Variants in FBXL13 observed in about 807,000 individuals in gnomAD.
FBXL13 encodes F-box and leucine rich repeat protein 13, also known as F-box and leucine-rich repeat protein 13.
In FBXL13, 67 loss-of-function variants were observed where a neutral mutation model predicts 83.6. That is an observed-to-expected ratio of 0.80 (90% confidence interval 0.66 to 0.98). The LOEUF is 0.98. Ranked by LOEUF, FBXL13 falls within the 50% of genes least tolerant of loss-of-function variation. The pLI is 0.00. For missense variants in FBXL13, 822 were observed against 866.5 expected (o/e 0.95, Z 0.64); for synonymous variants, 272 against 299.5 (o/e 0.91, Z 0.95).
chr7:102,974,966 C>T (rs1356555396), intron 6 of FBXL13, among the ~76,000 whole-genome samples: 1 of 152,132 alleles, frequency 6.6e-6, no homozygotes, highest in African/African-American at 2.4e-5. Context: ...TCCTCACTGC[C>T]CTCTCCTGAA....
chr7:102,925,150 T>C (rs1015992976), intron 10 of FBXL13, among the ~76,000 whole-genome samples: 6 of 152,176 alleles, frequency 3.9e-5, no homozygotes, highest in Non-Finnish European at 7.3e-5. Flanking sequence ...TGCCAGCACT[T>C]TGGGAGGCCC....
At chr7:102,948,855 T>C (rs1392176552) in intron 8 of FBXL13, among the ~76,000 whole-genome samples, 3 of 152,048 alleles carry the variant, frequency 2.0e-5, no homozygotes, top group African/African-American at 4.8e-5. Flanking sequence ...GGAATCACAG[T>C]TGCACATCAC....
intron 6 of FBXL13, 28 bp from the exon 8 acceptor site, chr7:102,968,145 T>C (rs1430806819): frequency 6.7e-7 from 1 of 1,490,676 alleles, no homozygotes; most frequent in Non-Finnish European, 9.3e-7. Context: ...TACACAACTT[T>C]GAAAAATGTG....
chr7:103,070,934 G>T (rs1208682177), intron 1 of FBXL13, among the ~76,000 whole-genome samples: 1 of 152,130 alleles, frequency 6.6e-6, no homozygotes, highest in Admixed American at 6.5e-5. Context: ...GATTTGGAGA[G>T]AACAAATAAA....
chr7:102,854,891 T>C, intron 16 of FBXL13, 31 bp from the exon 18 acceptor site: 1 of 1,276,894 alleles, frequency 7.8e-7, no homozygotes, highest in Middle Eastern at 2.0e-4. Flanking sequence ...GATCATTTTG[T>C]GATTATCATT....
chr7:102,968,189 C>CTG lies in FBXL13; in HGVS notation c.496-74_496-73dup, dbSNP rs371823711. On this transcript the variant is annotated intron_variant, in intron 6 of 19. Coordinates refer to ENST00000313221, the Ensembl canonical transcript of FBXL13. ...TGTAACTTGTCCACTTACCTTTTGTCTGTGTGTGTGCACACATGTGCGTGC... is the reference window on the plus strand; with the variant it reads ...TGTAACTTGTCCACTTACCTTTTGTCTGTGTGTGTGTGCACACATGTGCGTGC... 6.9e-6 allele frequency: 7 copies of CTG among 1,010,728 alleles called. No individual in the cohort carries two copies. In the East Asian group the frequency reaches 1.7e-4, roughly 25 times the overall value. 62.6% of individuals were successfully genotyped at this position (1,010,728 alleles called of 1,614,324 possible).
chr7:103,071,702 T>A (rs1166840916), intron 1 of FBXL13, among the ~76,000 whole-genome samples: 3 of 152,002 alleles, frequency 2.0e-5, no homozygotes, highest in Non-Finnish European at 2.9e-5. Context: ...GCCTGATTTT[T>A]AAAAAAATCA....
intron 17 of FBXL13, among the ~76,000 whole-genome samples, chr7:102,848,832 C>T (rs1379486029): frequency 6.6e-6 from 1 of 151,992 alleles, no homozygotes. Flanking sequence ...AGTCGCATTT[C>T]TACTAAAAAT....
chr7:102,927,403 A>G (rs931327342), intron 9 of FBXL13, among the ~76,000 whole-genome samples: 3 of 152,226 alleles, frequency 2.0e-5, no homozygotes, highest in African/African-American at 7.2e-5. Flanking sequence ...AGAATTCTGC[A>G]TCAGAAATAT....
chr7:102,879,438 G>GATGT (rs1809703050), intron 14 of FBXL13, among the ~76,000 whole-genome samples: 1 of 93,636 alleles, frequency 1.1e-5, no homozygotes. Flanking sequence ...AGCAGTTAAG[G>GATGT]ATGTGTGTGT....
chr7:102,875,787 A>T (rs1809159629), intron 16 of FBXL13, among the ~76,000 whole-genome samples: 1 of 152,168 alleles, frequency 6.6e-6, no homozygotes, highest in African/African-American at 2.4e-5. Flanking sequence ...TGCTGGAAGG[A>T]CAATGGGAAG....
chr7:103,061,512 C>A (rs1266927962), intron 1 of FBXL13, among the ~76,000 whole-genome samples: 10 of 152,154 alleles, frequency 6.6e-5, no homozygotes, highest in Admixed American at 6.6e-4. Flanking sequence ...AGCCTTCCTG[C>A]CCAAGGTCCA....
At chr7:103,049,740 A>T (rs912359635) in intron 2 of FBXL13, among the ~76,000 whole-genome samples, 1 of 152,218 alleles carries the variant, frequency 6.6e-6, no homozygotes, top group South Asian at 2.1e-4. Flanking sequence ...TCTTTAATAA[A>T]GTCCTTTTAA....
chr7:102,935,325 C>T (rs960229556), intron 8 of FBXL13, among the ~76,000 whole-genome samples: 2 of 141,836 alleles, frequency 1.4e-5, no homozygotes, highest in Non-Finnish European at 3.0e-5. Context: ...AATCTTGGCT[C>T]ACTGCAACCT....
chr7:103,066,487 G>T (rs1798402575), intron 1 of FBXL13, among the ~76,000 whole-genome samples: 1 of 151,966 alleles, frequency 6.6e-6, no homozygotes. Flanking sequence ...TGCCTCCCGG[G>T]TTCACACCAT....
In FBXL13 at chr7:102,952,984, A is replaced by AAAAC. The variant is rs113046740; in HGVS notation, c.724+10545_724+10548dup. Among the ~76,000 whole-genome samples, 310 of 152,184 alleles carry AAAAC rather than the reference A, an allele frequency of 2.0e-3. 1 individual carries two copies. Among genetic ancestry groups the AAAAC allele is most frequent in the African/African-American group, 3.1e-3 (129 of 41,512 alleles). ...GGGTGACAGAGTGAGACTCCATCTC[A>AAAAC]AAACAAACAAACAAACAAACAAACA... On this transcript the variant is annotated intron_variant, in intron 8 of 19. Transcript: ENST00000313221.
intron 16 of FBXL13, among the ~76,000 whole-genome samples, chr7:102,867,092 G>A (rs976927155): frequency 1.3e-5 from 2 of 152,138 alleles, no homozygotes; most frequent in Non-Finnish European, 2.9e-5. Flanking sequence ...GACAGCTGAC[G>A]CCTAACATCT....
chr7:102,813,506 T>C (rs1797587751), exon 20 of FBXL13: 2 of 1,613,928 alleles, frequency 1.2e-6, no homozygotes, highest in Non-Finnish European at 1.7e-6. Context: ...TGCTGAACTT[T>C]AGATGACATT....
chr7:103,031,657 C>T (rs1353210806), intron 2 of FBXL13, among the ~76,000 whole-genome samples: 5 of 152,042 alleles, frequency 3.3e-5, no homozygotes, highest in African/African-American at 4.8e-5. Flanking sequence ...CATCACAATA[C>T]GATTTCTAAG....
Sources: allele counts gnomAD v4.1 joint callset (sites outside exome capture counted in the v4.1 genomes callset), GRCh38; gene constraint gnomAD v4.1.1; transcripts MANE v1.5; gene names NCBI Gene and HGNC (gene_info 2026-07-23, HGNC 2026-07-21).